ARHGEF3: variants seen among roughly 807,000 people sequenced by gnomAD.
ARHGEF3 encodes the protein 59.8 kDA protein.
ARHGEF3 carries 28 observed loss-of-function variants against 63.2 expected under a neutral mutation model. The observed-to-expected ratio is 0.44, with a 90% CI of 0.33 to 0.61. ARHGEF3 has a LOEUF of 0.61. Ranked by LOEUF, ARHGEF3 falls within the 20% of genes least tolerant of loss-of-function variation. ARHGEF3 has a pLI of 0.03. For missense variants in ARHGEF3, 533 were observed against 659.3 expected (o/e 0.81, Z 2.10); for synonymous variants, 266 against 254.2 (o/e 1.05, Z -0.44).
chr3:56,861,234 G>A (rs1340629519), intron 4 of ARHGEF3, among the ~76,000 whole-genome samples: 3 of 152,138 alleles, frequency 2.0e-5, no homozygotes, highest in African/African-American at 4.8e-5. Context: ...TTCCCTTTTG[G>A]TGCCTTCTGC....
At chr3:56,921,838 T>C (rs967377279) in intron 3 of ARHGEF3, among the ~76,000 whole-genome samples, 5 of 152,184 alleles carry the variant, frequency 3.3e-5, no homozygotes, top group African/African-American at 1.2e-4. Context: ...AATGAATAAA[T>C]AGAAAAGTCT....
At chr3:56,901,643 G>A (rs2041513213) in intron 3 of ARHGEF3, among the ~76,000 whole-genome samples, 1 of 151,094 alleles carries the variant, frequency 6.6e-6, no homozygotes, top group Admixed American at 6.6e-5. Flanking sequence ...GAGTGCAGTG[G>A]CACAGTCACT....
Position 56,982,299 on chromosome 3 carries a change from C to T in ARHGEF3, c.63-23410G>A, listed in dbSNP as rs114524944. 4.7e-3 allele frequency among the ~76,000 whole-genome samples: 712 copies of T among 151,806 alleles called. 3 individuals are homozygous for T. Among genetic ancestry groups the T allele is most frequent in the African/African-American group, 0.016 (678 of 41,422 alleles). On this transcript the variant is annotated intron_variant, in intron 2 of 12. Transcript: ENST00000338458. Reference sequence around the variant, plus strand: ...GCAAGCGTACATTCTATTTCTGTCACATGCAACCAAAAGAACTATGCTTTG... The same window carrying T: ...GCAAGCGTACATTCTATTTCTGTCATATGCAACCAAAAGAACTATGCTTTG...
intron 1 of ARHGEF3, among the ~76,000 whole-genome samples, chr3:57,078,018 G>C (rs1211380621): frequency 6.6e-6 from 1 of 152,116 alleles, no homozygotes; most frequent in Non-Finnish European, 1.5e-5. Flanking sequence ...CTGTGCACGC[G>C]CTGTTAGATG....
intron 4 of ARHGEF3, among the ~76,000 whole-genome samples, chr3:56,878,498 A>G (rs1215811765): frequency 6.6e-6 from 1 of 152,210 alleles, no homozygotes; most frequent in Non-Finnish European, 1.5e-5. Flanking sequence ...TCCAGTCAGA[A>G]TTCATTTTCC....
chr3:56,729,772 C>G (rs190487164), intron 9 of ARHGEF3, 150 bp from the exon 10 acceptor site: 1 of 665,064 alleles, frequency 1.5e-6, no homozygotes, highest in Non-Finnish European at 2.5e-6. Flanking sequence ...CATGGCTCAG[C>G]TCCACCCTGC....
intron 2 of ARHGEF3, among the ~76,000 whole-genome samples, chr3:56,964,725 CA>C (rs934395707): frequency 2.6e-5 from 4 of 152,020 alleles, no homozygotes; most frequent in African/African-American, 9.7e-5. Flanking sequence ...GGGTCTCGAC[CA>C]AAGTTTGAGG....
intron 2 of ARHGEF3, among the ~76,000 whole-genome samples, chr3:57,007,832 C>G (rs1406244393): frequency 6.6e-6 from 1 of 152,226 alleles, no homozygotes; most frequent in African/African-American, 2.4e-5. Flanking sequence ...ACACAAGAAT[C>G]AAACCCTGCC....
Position 56,745,328 on chromosome 3 carries a change from T to C in ARHGEF3, c.747A>G (p.Lys249=), listed in dbSNP as rs753700563. 4 of 1,613,998 alleles carry C rather than the reference T, an allele frequency of 2.5e-6. No individual in the cohort carries two copies. The East Asian group carries it at 8.9e-5, about 36-fold the overall frequency. Residue 249 remains lysine (K), a synonymous_variant, in exon 7 of 10, where the codon AAA becomes AAG. Transcript: ENST00000296315. ...TATCGAGGAAATTCCAGAGATCTAG[T>C]TTGCGGCTAAAGGGGGATTCTAAAC... The part of the protein sequence containing the change: ...QRCLESPFSR[K]LDLWNFLDIP...
chr3:56,802,050 C>T, upstream of ARHGEF3: 1 of 1,339,554 alleles, frequency 7.5e-7, no homozygotes, highest in Non-Finnish European at 9.6e-7. Context: ...GCCGGGAGGG[C>T]CCACGTGCCG....
At chr3:56,733,705 T>C (rs948446858) in intron 8 of ARHGEF3, among the ~76,000 whole-genome samples, 10 of 151,782 alleles carry the variant, frequency 6.6e-5, no homozygotes, top group Non-Finnish European at 1.3e-4. Context: ...ATGATCAGGC[T>C]GGGCACAGTG....
chr3:56,915,002 T>C (rs973532638), intron 3 of ARHGEF3, among the ~76,000 whole-genome samples: 10 of 152,028 alleles, frequency 6.6e-5, no homozygotes, highest in Admixed American at 6.5e-4. Flanking sequence ...GTAAATTATG[T>C]GTTATATGTA....
At chr3:56,855,283 A>C (rs2039828530) in intron 4 of ARHGEF3, among the ~76,000 whole-genome samples, 1 of 152,206 alleles carries the variant, frequency 6.6e-6, no homozygotes, top group African/African-American at 2.4e-5. Context: ...GTCTTTTCTC[A>C]AGACCACATA....
chr3:56,820,552 C>T (rs548578156), intron 4 of ARHGEF3, among the ~76,000 whole-genome samples: 1 of 152,134 alleles, frequency 6.6e-6, no homozygotes, highest in African/African-American at 2.4e-5. Flanking sequence ...GCCTGTAGTC[C>T]CAGCTACTTG....
chr3:57,026,219 G>A (rs1703467623), intron 2 of ARHGEF3, among the ~76,000 whole-genome samples: 1 of 152,074 alleles, frequency 6.6e-6, no homozygotes, highest in South Asian at 2.1e-4. Context: ...GGACAACATA[G>A]TGAGAGTCCA....
intron 3 of ARHGEF3, among the ~76,000 whole-genome samples, chr3:56,888,205 A>C (rs1205016238): frequency 6.6e-6 from 1 of 151,796 alleles, no homozygotes; most frequent in Non-Finnish European, 1.5e-5. Flanking sequence ...TCCAAGTGGG[A>C]CATTGGCCAT....
intron 3 of ARHGEF3, among the ~76,000 whole-genome samples, chr3:56,906,771 A>C (rs2041696282): frequency 6.6e-6 from 1 of 151,212 alleles, no homozygotes; most frequent in Non-Finnish European, 1.5e-5. Context: ...GCGAGGCAAG[A>C]GGTTGCAGTG....
rs928935026 is a variant in ARHGEF3, at chr3:56,751,195, G to A, written c.536-63C>T. The A allele has an allele frequency of 4.8e-5, 75 of 1,574,522 alleles. No individual in the cohort carries two copies. In the African/African-American group the frequency reaches 8.9e-4, roughly 19 times the overall value. On this transcript the variant is annotated intron_variant, in intron 5 of 9. Coordinates refer to ENST00000296315, the MANE Select transcript of ARHGEF3 (RefSeq NM_019555.3). ...TCAAATATGAACAGGGCTGGAAGTA[G>A]GTTCTGGGTTATTCACATTGCAGGC...
chr3:56,748,189 C>A (rs905582154), intron 6 of ARHGEF3, among the ~76,000 whole-genome samples: 11 of 152,182 alleles, frequency 7.2e-5, no homozygotes, highest in African/African-American at 2.7e-4. Flanking sequence ...CATGCACCAC[C>A]ATGCCAGCTA....
Sources: gnomAD v4.1 joint callset for allele counts (sites outside exome capture counted in the v4.1 genomes callset) on GRCh38, gnomAD v4.1.1 for gene constraint, MANE v1.5 for transcripts, NCBI Gene and HGNC (gene_info 2026-07-23, HGNC 2026-07-21) for gene names.